Variants in ROBO1 observed in about 807,000 individuals in gnomAD.
The protein encoded by ROBO1 is roundabout guidance receptor 1, also known as roundabout homolog 1.
In ROBO1, 149 loss-of-function variants were observed where a neutral mutation model predicts 195.9. That is an observed-to-expected ratio of 0.76 (90% CI 0.67 to 0.87). ROBO1 has a LOEUF of 0.87. ROBO1 is among the 40% of genes least tolerant of loss of function. ROBO1 has a pLI of 0.00. For synonymous variants in ROBO1, 816 were observed against 733.2 expected, an observed-to-expected ratio of 1.11 and a Z score of -1.82; for missense variants, 1,933 against 2,068.3, an observed-to-expected ratio of 0.93 and a Z score of 1.27.
intron 3 of ROBO1, among the ~76,000 whole-genome samples, chr3:79,014,214 A>T (rs556432709): frequency 6.6e-6 from 1 of 152,292 alleles, no homozygotes; most frequent in Non-Finnish European, 1.5e-5. Flanking sequence ...TCATCCCTGT[A>T]ATCCCAGCAC....
intron 2 of ROBO1, among the ~76,000 whole-genome samples, chr3:79,464,666 A>C (rs1937853137): frequency 1.3e-5 from 2 of 152,180 alleles, no homozygotes; most frequent in Admixed American, 1.3e-4. Context: ...ATAGATTTGC[A>C]TATATTTTTC....
At position 78,657,231 on chromosome 3, in the gene ROBO1, G is replaced by T. The variant is rs1005802034; in HGVS notation, c.2481C>A (p.Asn827Lys). 3 of 1,613,582 alleles carry T rather than the reference G, an allele frequency of 1.9e-6. No homozygotes were observed. The African/African-American group carries it at 4.0e-5, about 22-fold the overall frequency. Residue 827 changes from asparagine (N) to lysine (K), a missense_variant, in exon 18 of 31, where the codon AAC (asparagine) becomes AAA (lysine). This residue lies in a region of ROBO1 where 1,737 missense variants were observed against 1,882.5 expected (regional missense o/e 0.92). Coordinates refer to ENST00000464233, the MANE Select transcript of ROBO1 (RefSeq NM_002941.4). ...CLGNETRYHI[N>K]KTVDGSTFSV... ...AAAAGGTGGAACCATCCACTGTTTT[G>T]TTGATGTGGTATCGAGTTTCATTGC...
intron 1 of ROBO1, among the ~76,000 whole-genome samples, chr3:79,635,898 CA>C (rs1387492064): frequency 2.0e-5 from 3 of 152,140 alleles, no homozygotes; most frequent in Non-Finnish European, 4.4e-5. Flanking sequence ...AATTGAGATA[CA>C]ATACATATAT....
At chr3:79,565,051 A>C (rs1943047715) in intron 2 of ROBO1, among the ~76,000 whole-genome samples, 1 of 152,172 alleles carries the variant, frequency 6.6e-6, no homozygotes, top group Non-Finnish European at 1.5e-5. Flanking sequence ...GCACTTATTC[A>C]ATCATGAGGT....
intron 3 of ROBO1, among the ~76,000 whole-genome samples, chr3:78,975,807 C>T (rs2076873630): frequency 6.6e-6 from 1 of 151,970 alleles, no homozygotes; most frequent in Non-Finnish European, 1.5e-5. Flanking sequence ...GCAACAAATA[C>T]AAAAAGGAAG....
chr3:79,345,348 G>A (rs866688121), intron 2 of ROBO1, among the ~76,000 whole-genome samples: 8 of 152,090 alleles, frequency 5.3e-5, no homozygotes, highest in African/African-American at 1.9e-4. Flanking sequence ...AGATGCCTTT[G>A]CTGACAGGAG....
At chr3:79,207,119 G>A (rs1328717167) in intron 2 of ROBO1, among the ~76,000 whole-genome samples, 2 of 152,022 alleles carry the variant, frequency 1.3e-5, no homozygotes, top group Non-Finnish European at 1.5e-5. Context: ...AATGAACAAT[G>A]AGAAAAAAAA....
intron 4 of ROBO1, among the ~76,000 whole-genome samples, chr3:78,838,377 C>T (rs374247093): frequency 2.0e-5 from 3 of 152,124 alleles, no homozygotes; most frequent in East Asian, 1.9e-4. Flanking sequence ...ACTTTCAAAG[C>T]CTGTCTTTGT....
At chr3:78,919,923 C>G (rs1356124029) in intron 4 of ROBO1, among the ~76,000 whole-genome samples, 1 of 152,056 alleles carries the variant, frequency 6.6e-6, no homozygotes, top group Admixed American at 6.6e-5. Context: ...ATCCTAAATG[C>G]AAAACATAAA....
Position 78,717,902 on chromosome 3 carries a change from C to G in ROBO1, c.658-19G>C, listed in dbSNP as rs1289995597. ...CTCGTATCTTAAAAAAAAAGTTTCA[C>G]AGGAATACTATTAAAATTGCTTCAG... is the stretch of plus-strand genomic sequence containing the variant. On this transcript the variant is annotated intron_variant, in intron 5 of 30. Transcript: ENST00000464233. The G allele has an allele frequency of 3.1e-6, 5 of 1,611,560 alleles. No homozygotes were observed. In the African/African-American group the frequency reaches 6.7e-5, roughly 22 times the overall value.
intron 4 of ROBO1, among the ~76,000 whole-genome samples, chr3:78,832,139 A>C (rs777102941): frequency 3.9e-5 from 6 of 152,208 alleles, no homozygotes; most frequent in Non-Finnish European, 7.4e-5. Context: ...TTTTCAAAAC[A>C]AAAAAGAGTC....
At chr3:78,883,839 A>G (rs1182074590) in intron 4 of ROBO1, among the ~76,000 whole-genome samples, 1 of 152,146 alleles carries the variant, frequency 6.6e-6, no homozygotes. Context: ...GTTTAGATCT[A>G]GAAGAGATTT....
At chr3:78,926,748 A>G (rs2039244393) in intron 4 of ROBO1, among the ~76,000 whole-genome samples, 1 of 152,184 alleles carries the variant, frequency 6.6e-6, no homozygotes, top group Admixed American at 6.5e-5. Flanking sequence ...GTCATAAAGC[A>G]AAAAACAAAG....
At chr3:79,229,202 C>T (rs2082279404) in intron 2 of ROBO1, among the ~76,000 whole-genome samples, 1 of 152,024 alleles carries the variant, frequency 6.6e-6, no homozygotes, top group South Asian at 2.1e-4. Flanking sequence ...AAATGCATTG[C>T]TTTATTTTAA....
chr3:79,484,150 G>A (rs914467198), intron 2 of ROBO1, among the ~76,000 whole-genome samples: 11 of 152,138 alleles, frequency 7.2e-5, no homozygotes, highest in Non-Finnish European at 1.5e-4. Context: ...ATCCCCCACG[G>A]GGATCAGTCA....
chr3:79,319,940 T>G (rs2033904523), intron 2 of ROBO1, among the ~76,000 whole-genome samples: 1 of 152,186 alleles, frequency 6.6e-6, no homozygotes, highest in Non-Finnish European at 1.5e-5. Flanking sequence ...ATTAAATAAC[T>G]TTTTCAAGTC....
At chr3:78,818,496 A>G (rs2030425854) in intron 4 of ROBO1, among the ~76,000 whole-genome samples, 1 of 152,216 alleles carries the variant, frequency 6.6e-6, no homozygotes, top group Non-Finnish European at 1.5e-5. Flanking sequence ...CATGATGCAC[A>G]CTTGGGCTTG....
chr3:79,761,309 T>A (rs1704686373), intron 1 of ROBO1, among the ~76,000 whole-genome samples: 1 of 151,532 alleles, frequency 6.6e-6, no homozygotes, highest in Admixed American at 6.6e-5. Context: ...TAATATTTTA[T>A]TTACTTAAGA....
chr3:79,640,773 G>A (rs1318787256), intron 1 of ROBO1, among the ~76,000 whole-genome samples: 1 of 152,012 alleles, frequency 6.6e-6, no homozygotes, highest in Non-Finnish European at 1.5e-5. Context: ...TGTTGAATTT[G>A]CCATAACAAA....
Sources: gnomAD v4.1 joint callset for allele counts (sites outside exome capture counted in the v4.1 genomes callset) on GRCh38, gnomAD v4.1.1 for gene constraint, gnomAD v4.1.1 regional missense constraint, MANE v1.5 for transcripts, NCBI Gene and HGNC (gene_info 2026-07-23, HGNC 2026-07-21) for gene names.